RBMS3: variants seen among roughly 807,000 people sequenced by gnomAD.
The protein encoded by RBMS3 is RNA-binding motif, single-stranded-interacting protein 3.
A neutral mutation model predicts 66.8 loss-of-function variants in RBMS3; 27 were observed. The ratio of observed to expected loss-of-function variants is 0.40; its 90% confidence interval spans 0.30 to 0.56. The LOEUF (loss-of-function observed/expected upper bound fraction) is 0.56. Among genes scored for constraint, RBMS3 ranks in the 20% least tolerant of loss-of-function variants. RBMS3 has a pLI of 0.40. For missense variants in RBMS3, 513 were observed against 549.5 expected (o/e 0.93, Z 0.66); for synonymous variants, 188 against 183.0 (o/e 1.03, Z -0.22).
At chr3:29,801,116 A>T (rs1312177058) in intron 6 of RBMS3, among the ~76,000 whole-genome samples, 1 of 152,044 alleles carries the variant, frequency 6.6e-6, no homozygotes, top group East Asian at 1.9e-4. Flanking sequence ...AGTATGAAGA[A>T]GTTTTACATT....
chr3:29,443,633 G>A (rs186212385), intron 2 of RBMS3, among the ~76,000 whole-genome samples: 89 of 152,198 alleles, frequency 5.8e-4, no homozygotes, highest in African/African-American at 1.9e-3. Flanking sequence ...TACAAGGAAC[G>A]TAAGAAAGGT....
chr3:29,366,618 G>T (rs1374230444), intron 1 of RBMS3, among the ~76,000 whole-genome samples: 2 of 151,916 alleles, frequency 1.3e-5, no homozygotes, highest in Non-Finnish European at 1.5e-5. Flanking sequence ...CAAGCGATCT[G>T]CCCGTCTCTG....
At chr3:29,891,424 G>T (rs1254419166) in intron 8 of RBMS3, among the ~76,000 whole-genome samples, 1 of 151,532 alleles carries the variant, frequency 6.6e-6, no homozygotes. Context: ...AGTAAAAATC[G>T]TAGTACTTTT....
intron 3 of RBMS3, among the ~76,000 whole-genome samples, chr3:29,516,095 T>C (rs2044607891): frequency 6.6e-6 from 1 of 152,088 alleles, no homozygotes. Flanking sequence ...CAGGAAGACA[T>C]GGGGACCAAT....
chr3:29,749,741 T>G (rs2055088351), intron 5 of RBMS3, among the ~76,000 whole-genome samples: 1 of 152,184 alleles, frequency 6.6e-6, no homozygotes. Context: ...TCCAGAGGCC[T>G]TTTATTGGGT....
At chr3:29,749,639 TC>T (rs1380915448) in intron 5 of RBMS3, among the ~76,000 whole-genome samples, 1 of 152,092 alleles carries the variant, frequency 6.6e-6, no homozygotes, top group Non-Finnish European at 1.5e-5. Flanking sequence ...ATCTTGAGGT[TC>T]CTGGACCTGT....
At chr3:29,807,761 C>G (rs1055576897) in intron 6 of RBMS3, among the ~76,000 whole-genome samples, 3 of 150,574 alleles carry the variant, frequency 2.0e-5, no homozygotes, top group Non-Finnish European at 4.4e-5. Flanking sequence ...AAATAAAATA[C>G]CAAAAAAATA....
chr3:29,347,619 GT>G (rs1203100812), intron 1 of RBMS3, among the ~76,000 whole-genome samples: 1 of 152,174 alleles, frequency 6.6e-6, no homozygotes, highest in Non-Finnish European at 1.5e-5. Context: ...ATTCCACGCA[GT>G]TTCCAAGGTT....
intron 1 of RBMS3, among the ~76,000 whole-genome samples, chr3:29,355,796 T>C (rs1394364300): frequency 6.6e-6 from 1 of 152,084 alleles, no homozygotes. Flanking sequence ...CATTGAAGAA[T>C]AATCTGCACA....
chr3:29,992,424 A>G (rs976223928), intron 14 of RBMS3, among the ~76,000 whole-genome samples: 7 of 152,076 alleles, frequency 4.6e-5, no homozygotes, highest in Non-Finnish European at 8.8e-5. Flanking sequence ...GTCTCTACTA[A>G]AAATACAAAA....
intron 10 of RBMS3, among the ~76,000 whole-genome samples, chr3:29,934,903 C>A (rs1269164280): frequency 6.6e-6 from 1 of 151,990 alleles, no homozygotes; most frequent in Non-Finnish European, 1.5e-5. Flanking sequence ...TTAGTTTGAG[C>A]AAAAGCATTT....
intron 2 of RBMS3, among the ~76,000 whole-genome samples, chr3:29,451,735 A>G (rs1946822): frequency 0.4 from 60,988 of 151,912 alleles, 12,572 homozygotes; most frequent in East Asian, 0.63. Context: ...ATTTATGCCT[A>G]CAGTGCTTCA....
At chr3:29,856,914 A>G (rs1336224545) in intron 6 of RBMS3, among the ~76,000 whole-genome samples, 3 of 152,156 alleles carry the variant, frequency 2.0e-5, no homozygotes, top group Non-Finnish European at 4.4e-5. Flanking sequence ...TTAAATTTAT[A>G]TTGTATTGAT....
At chr3:29,831,908 TAC>T (rs1335840628) in intron 6 of RBMS3, among the ~76,000 whole-genome samples, 1 of 152,048 alleles carries the variant, frequency 6.6e-6, no homozygotes, top group Non-Finnish European at 1.5e-5. Context: ...TATAATAAGA[TAC>T]AGTTTTTATA....
chr3:29,849,485 G>T (rs2058877399), intron 6 of RBMS3, among the ~76,000 whole-genome samples: 1 of 149,908 alleles, frequency 6.7e-6, no homozygotes, highest in African/African-American at 2.5e-5. Context: ...CTGCACTCCA[G>T]CCTGGGTGAC....
At chr3:29,709,588 C>G (rs1400896401) in intron 4 of RBMS3, among the ~76,000 whole-genome samples, 2 of 152,086 alleles carry the variant, frequency 1.3e-5, no homozygotes, top group Non-Finnish European at 2.9e-5. Context: ...GAATTATTGC[C>G]TTCATTATCA....
intron 4 of RBMS3, among the ~76,000 whole-genome samples, chr3:29,678,974 C>T (rs1285301537): frequency 7.9e-5 from 12 of 152,004 alleles, no homozygotes; most frequent in Admixed American, 7.9e-4. Context: ...CATTATTTCC[C>T]AAACTTCCTG....
chr3:29,685,416 G>GT (rs771737645), intron 4 of RBMS3, among the ~76,000 whole-genome samples: 14 of 152,028 alleles, frequency 9.2e-5, no homozygotes, highest in Non-Finnish European at 1.8e-4. Context: ...TAGTTTCTCT[G>GT]TTTTTTCATT....
intron 11 of RBMS3, among the ~76,000 whole-genome samples, chr3:29,940,001 A>G (rs146078710): frequency 4.3e-4 from 66 of 151,906 alleles, no homozygotes; most frequent in African/African-American, 1.5e-3. Context: ...CTGCAAGCTA[A>G]TGACATGACC....
Sources: allele counts gnomAD v4.1 joint callset (sites outside exome capture counted in the v4.1 genomes callset), GRCh38; gene constraint gnomAD v4.1.1; transcripts MANE v1.5; gene names NCBI Gene and HGNC (gene_info 2026-07-23, HGNC 2026-07-21).